The following NAALADL2 variants were observed in gnomAD, a reference collection of about 807,000 sequenced individuals.
The protein encoded by NAALADL2 is N-acetylated alpha-linked acidic dipeptidase like 2, also known as inactive N-acetylated-alpha-linked acidic dipeptidase-like protein 2.
Under a neutral mutation model 87.2 loss-of-function variants are expected in NAALADL2, and 76 were observed. That is an observed-to-expected ratio of 0.87 (90% confidence interval 0.72 to 1.05). The LOEUF is 1.05. Ranked by LOEUF, NAALADL2 falls within the 50% of genes least tolerant of loss-of-function variation. The pLI, the probability that NAALADL2 is intolerant of heterozygous loss-of-function variation, is 0.00. For synonymous variants in NAALADL2, 354 were observed against 331.0 expected (o/e 1.07, Z -0.75); for missense variants, 1,089 against 945.8 (o/e 1.15, Z -1.99).
At chr3:174,541,363 T>A (rs1476162251) in intron 1 of NAALADL2, among the ~76,000 whole-genome samples, 5 of 152,208 alleles carry the variant, frequency 3.3e-5, no homozygotes, top group South Asian at 2.1e-4. Context: ...ATTTATGTTC[T>A]TCTAAATTAG....
intron 1 of NAALADL2, among the ~76,000 whole-genome samples, chr3:174,929,668 C>T (rs1200210483): frequency 1.3e-5 from 2 of 152,080 alleles, no homozygotes; most frequent in Non-Finnish European, 1.5e-5. Context: ...TTCATAACTG[C>T]TTCAGTTTAC....
intron 1 of NAALADL2, among the ~76,000 whole-genome samples, chr3:174,907,667 T>A (rs1733139185): frequency 6.6e-6 from 1 of 152,086 alleles, no homozygotes; most frequent in African/African-American, 2.4e-5. Flanking sequence ...TATGATGACA[T>A]CACAAAGTTG....
At chr3:175,049,575 T>C (rs778265207) in intron 1 of NAALADL2, among the ~76,000 whole-genome samples, 5 of 152,176 alleles carry the variant, frequency 3.3e-5, no homozygotes, top group African/African-American at 9.6e-5. Flanking sequence ...TGTAGCACCA[T>C]GGCCACAAGA....
chr3:174,885,933 A>G (rs1351047708), intron 1 of NAALADL2, among the ~76,000 whole-genome samples: 1 of 66,332 alleles, frequency 1.5e-5, no homozygotes, highest in Admixed American at 2.4e-4. Flanking sequence ...TTTTTTTTTT[A>G]GATGGAGTCT....
At chr3:174,792,844 C>T (rs1717626785) in intron 3 of NAALADL2, among the ~76,000 whole-genome samples, 2 of 152,134 alleles carry the variant, frequency 1.3e-5, no homozygotes, top group East Asian at 3.9e-4. Flanking sequence ...ATGGAATATT[C>T]ATTTTGAGAT....
chr3:174,824,052 A>G (rs986513355), intron 3 of NAALADL2, among the ~76,000 whole-genome samples: 85 of 152,314 alleles, frequency 5.6e-4, no homozygotes, highest in Non-Finnish European at 3.1e-4. Flanking sequence ...AATTAAGGTT[A>G]AAAAGCAGTA....
chr3:175,548,091 C>CACGTATTTATA (rs1314639830), intron 9 of NAALADL2, among the ~76,000 whole-genome samples: 1 of 152,026 alleles, frequency 6.6e-6, no homozygotes, highest in Non-Finnish European at 1.5e-5. Flanking sequence ...GTTATAAATA[C>CACGTATTTATA]ACATGCACAC....
intron 12 of NAALADL2, among the ~76,000 whole-genome samples, chr3:175,754,412 G>C (rs965110683): frequency 3.9e-5 from 6 of 152,234 alleles, no homozygotes; most frequent in African/African-American, 4.8e-5. Flanking sequence ...CTCTCAGAAT[G>C]ACTTTTAGTA....
At chr3:175,330,178 A>G in intron 5 of NAALADL2, among the ~76,000 whole-genome samples, 1 of 152,212 alleles carries the variant, frequency 6.6e-6, no homozygotes, top group East Asian at 1.9e-4. Flanking sequence ...AAAAAGATTT[A>G]CTAATGTTTC....
intron 2 of NAALADL2, among the ~76,000 whole-genome samples, chr3:174,583,103 C>CTT (rs1241437987): frequency 3.9e-5 from 6 of 152,130 alleles, no homozygotes; most frequent in African/African-American, 1.4e-4. Flanking sequence ...TAACTTAATA[C>CTT]AAGGTTACTA....
intron 5 of NAALADL2, among the ~76,000 whole-genome samples, chr3:175,411,855 G>A (rs1254266996): frequency 6.6e-6 from 1 of 152,032 alleles, no homozygotes; most frequent in African/African-American, 2.4e-5. Context: ...AGAGCCACTG[G>A]GAGCTTAACT....
At chr3:175,013,145 A>ATACATATTTATATATAAATATGTAT (rs1750232209) in intron 1 of NAALADL2, among the ~76,000 whole-genome samples, 3 of 80,250 alleles carry the variant, frequency 3.7e-5, no homozygotes, top group South Asian at 3.9e-4. Context: ...TAAATATGTA[A>ATACATATTTATATATAAATATGTAT]TACATATTTA....
At chr3:174,942,220 G>C (rs993851577) in intron 1 of NAALADL2, among the ~76,000 whole-genome samples, 1 of 152,006 alleles carries the variant, frequency 6.6e-6, no homozygotes, top group Non-Finnish European at 1.5e-5. Flanking sequence ...TTATAAGGCA[G>C]GTCTGGTATT....
intron 1 of NAALADL2, among the ~76,000 whole-genome samples, chr3:175,021,433 T>A (rs1041031680): frequency 6.6e-6 from 1 of 152,078 alleles, no homozygotes; most frequent in Non-Finnish European, 1.5e-5. Flanking sequence ...GTAAAAAAGA[T>A]ACAACCCAGG....
chr3:174,904,506 A>G (rs1326006055), intron 1 of NAALADL2, among the ~76,000 whole-genome samples: 2 of 151,938 alleles, frequency 1.3e-5, no homozygotes, highest in Non-Finnish European at 2.9e-5. Flanking sequence ...ATACATTACT[A>G]GCAATTCTAA....
intron 2 of NAALADL2, among the ~76,000 whole-genome samples, chr3:175,181,330 G>A (rs766880220): frequency 6.6e-6 from 1 of 151,802 alleles, no homozygotes; most frequent in Non-Finnish European, 1.5e-5. Flanking sequence ...GGCACAAAGT[G>A]ATGTTATGAT....
At chr3:174,996,990 AGG>A (rs1273169343) in intron 1 of NAALADL2, among the ~76,000 whole-genome samples, 1 of 122,478 alleles carries the variant, frequency 8.2e-6, no homozygotes, top group Non-Finnish European at 1.7e-5. Context: ...TAGTATTCCA[AGG>A]GGTGTGTGTG....
At chr3:174,766,623 T>A (rs1248291804) in intron 3 of NAALADL2, among the ~76,000 whole-genome samples, 1 of 152,240 alleles carries the variant, frequency 6.6e-6, no homozygotes, top group East Asian at 1.9e-4. Flanking sequence ...GTTATTTCTT[T>A]CTACTATTAT....
intron 2 of NAALADL2, among the ~76,000 whole-genome samples, chr3:175,122,821 C>G (rs73176755): frequency 0.083 from 12,670 of 151,826 alleles, 614 homozygotes; most frequent in Non-Finnish European, 0.11. Flanking sequence ...GATTTATAAA[C>G]AATAGAAATT....
Sources: allele counts gnomAD v4.1 joint callset (sites outside exome capture counted in the v4.1 genomes callset), GRCh38; gene constraint gnomAD v4.1.1; transcripts MANE v1.5; gene names NCBI Gene and HGNC (gene_info 2026-07-23, HGNC 2026-07-21).